The following TXNDC5 variants were observed in gnomAD, a reference collection of about 807,000 sequenced individuals.
TXNDC5 encodes the protein thioredoxin domain containing 5.
TXNDC5 carries 44 observed loss-of-function variants against 52.6 expected under a neutral mutation model. That is an observed-to-expected ratio of 0.84 (90% CI 0.66 to 1.08). The LOEUF (loss-of-function observed/expected upper bound fraction) is 1.08, where lower values mean the gene tolerates loss of function less well. Ranked by LOEUF, TXNDC5 falls within the 50% of genes least tolerant of loss-of-function variation. The pLI, the probability that TXNDC5 is intolerant of heterozygous loss-of-function variation, is 0.00. For synonymous variants in TXNDC5, 241 were observed against 234.4 expected (o/e 1.03, Z -0.26); for missense variants, 600 against 565.5 (o/e 1.06, Z -0.62).
intron 8 of TXNDC5, among the ~76,000 whole-genome samples, chr6:7,885,202 G>C (rs1437830978): frequency 6.6e-6 from 1 of 152,200 alleles, no homozygotes; most frequent in Non-Finnish European, 1.5e-5. Context: ...GGAACATGTG[G>C]AGTGTAACAA....
chr6:7,904,274 A>C (rs776717146), intron 2 of TXNDC5, among the ~76,000 whole-genome samples: 1 of 152,174 alleles, frequency 6.6e-6, no homozygotes, highest in Non-Finnish European at 1.5e-5. Context: ...GCCAAAACTG[A>C]TGACAGTCCA....
At position 7,910,748 on chromosome 6, in the gene TXNDC5, G is replaced by GGGA. The variant is rs1457352590; in HGVS notation, c.26_28dup (p.Leu9dup). ...CAGGGCCGCCGGCCGGGCCAGCAGC[G>GGGA]GGAGGAGGCGTCCTGGGCGCGCGGG... On this transcript the variant is annotated inframe_insertion, in exon 1 of 10. Transcript: ENST00000379757. 9.9e-7 allele frequency: 1 copy of GGGA among 1,008,972 alleles called. No individual in the cohort carries two copies. Among genetic ancestry groups the GGGA allele is most frequent in the Non-Finnish European group, 1.2e-6 (1 of 848,672 alleles). The allele number at this position is 1,008,972 out of a possible 1,614,324, so 62.5% of individuals were successfully genotyped here.
At chr6:7,899,451 G>T (rs1455232649) in intron 3 of TXNDC5, 125 bp downstream of exon 3, 3 of 569,940 alleles carry the variant, frequency 5.3e-6, no homozygotes, top group Non-Finnish European at 8.8e-6. Context: ...AAGTAGAGTT[G>T]CTTTAAAATG....
At chr6:7,906,764 GA>G (rs112486820) in intron 1 of TXNDC5, among the ~76,000 whole-genome samples, 266 of 144,394 alleles carry the variant, frequency 1.8e-3, no homozygotes, top group African/African-American at 5.0e-3. Flanking sequence ...AAGGAAACAA[GA>G]AAAAAAAAAA....
At chr6:7,895,354 GC>G in intron 3 of TXNDC5, 152 bp from the exon 4 acceptor site, 1 of 676,816 alleles carries the variant, frequency 1.5e-6, no homozygotes, top group Non-Finnish European at 2.5e-6. Context: ...GCTGAGTGAG[GC>G]CAGGTCAGGA....
intron 1 of TXNDC5, among the ~76,000 whole-genome samples, chr6:7,907,651 G>T (rs72829248): frequency 6.6e-6 from 1 of 152,032 alleles, no homozygotes; most frequent in African/African-American, 2.4e-5. Context: ...TGTGTTGAGG[G>T]GGAGTCCACT....
At chr6:7,893,441 G>A (rs1342887339) in intron 4 of TXNDC5, among the ~76,000 whole-genome samples, 1 of 152,224 alleles carries the variant, frequency 6.6e-6, no homozygotes, top group Non-Finnish European at 1.5e-5. Flanking sequence ...CCTAATCAGA[G>A]TACTGATGGG....
chr6:7,898,202 AGGCAC>A (rs1372644522), intron 3 of TXNDC5, among the ~76,000 whole-genome samples: 1 of 152,106 alleles, frequency 6.6e-6, no homozygotes, highest in Non-Finnish European at 1.5e-5. Flanking sequence ...CTGGGATTAC[AGGCAC>A]CTACCACCTG....
chr6:7,894,279 T>C (rs1760295020), intron 4 of TXNDC5, among the ~76,000 whole-genome samples: 1 of 151,850 alleles, frequency 6.6e-6, no homozygotes, highest in African/African-American at 2.4e-5. Context: ...TTTTTTTTTT[T>C]TAATCTTCTG....
At chr6:7,901,772 G>A (rs1489602866) in intron 2 of TXNDC5, among the ~76,000 whole-genome samples, 1 of 152,222 alleles carries the variant, frequency 6.6e-6, no homozygotes, top group Non-Finnish European at 1.5e-5. Context: ...TTTTCAAGGA[G>A]ACTGCAGGGA....
In TXNDC5 at chr6:7,910,646, G is replaced by A; in HGVS notation, c.131C>T (p.Ala44Val). 6 of 1,288,086 alleles carry A rather than the reference G, an allele frequency of 4.7e-6. No homozygotes were observed. Among genetic ancestry groups the A allele is most frequent in the South Asian group, 1.8e-5 (1 of 55,720 alleles). The allele number at this position is 1,288,086 out of a possible 1,614,324, so 79.8% of individuals were successfully genotyped here. The part of the protein sequence containing the change: ...WGARAQEAAA[A>V]AADGPPAADG... Reference sequence around the variant, plus strand: ...TGCCGCGGGGGGCCCGTCCGCCGCCGCCGCCGCCGCCTCCTGGGCCCGGGC... The same window carrying A: ...TGCCGCGGGGGGCCCGTCCGCCGCCACCGCCGCCGCCTCCTGGGCCCGGGC... The change falls in exon 1 of 10, where the codon GCG becomes GTG. Residue 44 changes from alanine (A) to valine (V), a missense_variant. By Grantham distance (64) the Ala-to-Val change is moderately conservative (BLOSUM62 0). Coordinates refer to ENST00000379757, the MANE Select transcript of TXNDC5 (RefSeq NM_030810.5).
In TXNDC5 at chr6:7,881,900, G is replaced by C. The variant is rs1283337647; in HGVS notation, c.*1244C>G. 1.4e-5 allele frequency: 2 copies of C among 146,832 alleles called. No individual in the cohort carries two copies. The highest frequency in any genetic ancestry group is 3.0e-5 in the Non-Finnish European group (2 of 67,640). 9.1% of individuals were successfully genotyped at this position (146,832 alleles called of 1,614,324 possible). ...AAGTGGTTATTATGGGAAGTAGCTC[G>C]ATGGTAAAAGGACAAACACCTATCT... is the stretch of plus-strand genomic sequence containing the variant. On this transcript the variant is annotated 3_prime_UTR_variant, in exon 10 of 10. Transcript: ENST00000379757.
chr6:7,889,287 T>C, intron 6 of TXNDC5: 1 of 542,040 alleles, frequency 1.8e-6, no homozygotes, highest in Non-Finnish European at 3.3e-6. Context: ...AGTGATAACC[T>C]GGGCCACTGA....
rs545413274 is a variant in TXNDC5, at chr6:7,894,869, C to T, written c.616+237G>A. On this transcript the variant is annotated intron_variant, in intron 4 of 9. Coordinates refer to ENST00000379757, the MANE Select transcript of TXNDC5 (RefSeq NM_030810.5). ...AAGGATGCACTGTCCAGCTAGTGTG[C>T]GGGTCACGTGTGCTTAGCATTAGAC... 7.5e-5 allele frequency: 74 copies of T among 985,408 alleles called. No homozygotes were observed. The South Asian group carries it at 8.0e-4, about 11-fold the overall frequency. 61.0% of individuals were successfully genotyped at this position (985,408 alleles called of 1,614,324 possible).
At position 7,889,521 on chromosome 6, in the gene TXNDC5, G is replaced by A. The variant is rs199964711; in HGVS notation, c.793C>T (p.Leu265Phe). The change falls in exon 6 of 10, where the codon CTT becomes TTT. Residue 265 changes from leucine (L) to phenylalanine (F), a missense_variant. Transcript: ENST00000379757. ...TTTTTCCCATCTCGGAACCAGAGAA[G>A]AGTGGGATAGCCACGAACCTGGTTT... ...SGNQVRGYPT[L>F]LWFRDGKKVD... 5.0e-6 allele frequency: 8 copies of A among 1,613,666 alleles called. No homozygotes were observed. In the Admixed American group the frequency reaches 1.3e-4, roughly 27 times the overall value.
At chr6:7,883,421 T>G (rs1359289264) in intron 9 of TXNDC5, among the ~76,000 whole-genome samples, 155 bp from the exon 10 acceptor site, 2 of 152,238 alleles carry the variant, frequency 1.3e-5, no homozygotes, top group Admixed American at 1.3e-4. Flanking sequence ...AGGAGCAGAC[T>G]ACTGTTTAGA....
rs549480791 is a variant in TXNDC5, at chr6:7,885,077, T to C, written c.1047-589A>G. Among the ~76,000 whole-genome samples the C allele has an allele frequency of 3.9e-5, 6 of 152,354 alleles. No homozygotes were observed. The South Asian group carries it at 1.2e-3, about 32-fold the overall frequency. On this transcript the variant is annotated intron_variant, in intron 8 of 9. Transcript: ENST00000379757. ...AGCCAAAGGGGATCCTCCTTTTTGA[T>C]ACTTGATCTGTGGAGCTTTAGGTTT...
intron 3 of TXNDC5, among the ~76,000 whole-genome samples, chr6:7,896,378 A>C (rs1464808604): frequency 6.6e-6 from 1 of 152,238 alleles, no homozygotes; most frequent in African/African-American, 2.4e-5. Context: ...GACCAGGTAC[A>C]GCTGTGGCTT....
In TXNDC5 at chr6:7,910,647, C is replaced by G; in HGVS notation, c.130G>C (p.Ala44Pro). The change falls in exon 1 of 10, where the codon GCG (alanine) becomes CCG (proline). Residue 44 changes from alanine to proline, a missense_variant. Ala to Pro is a conservative substitution (Grantham distance 27, BLOSUM62 -1). Coordinates refer to ENST00000379757, the MANE Select transcript of TXNDC5 (RefSeq NM_030810.5). The part of the protein sequence containing the change: ...WGARAQEAAA[A>P]AADGPPAADG... Reference sequence around the variant, plus strand: ...GCCGCGGGGGGCCCGTCCGCCGCCGCCGCCGCCGCCTCCTGGGCCCGGGCG... The same window carrying G: ...GCCGCGGGGGGCCCGTCCGCCGCCGGCGCCGCCGCCTCCTGGGCCCGGGCG... The G allele has an allele frequency of 7.7e-7, 1 of 1,300,636 alleles. No homozygotes were observed. The highest frequency in any genetic ancestry group is 1.0e-6 in the Non-Finnish European group (1 of 1,003,776). 80.6% of individuals were successfully genotyped at this position (1,300,636 alleles called of 1,614,324 possible).
Sources: gnomAD v4.1 joint callset for allele counts (sites outside exome capture counted in the v4.1 genomes callset) on GRCh38, gnomAD v4.1.1 for gene constraint, MANE v1.5 for transcripts, NCBI Gene and HGNC (gene_info 2026-07-23, HGNC 2026-07-21) for gene names.